The following CNTN4 variants were observed in gnomAD, a reference collection of about 807,000 sequenced individuals.
CNTN4 encodes contactin 4, also known as contactin-4.
Under a neutral mutation model 122.5 loss-of-function variants are expected in CNTN4, and 77 were observed. The observed-to-expected ratio is 0.63, with a 90% confidence interval of 0.52 to 0.76. CNTN4 has a LOEUF of 0.76. Among genes scored for constraint, CNTN4 ranks in the 30% least tolerant of loss-of-function variants. The pLI, the probability that CNTN4 is intolerant of heterozygous loss-of-function variation, is 0.00. For synonymous variants in CNTN4, 512 were observed against 447.0 expected (o/e 1.15, Z -1.83); for missense variants, 1,256 against 1,259.1 (o/e 1.00, Z 0.04).
intron 3 of CNTN4, among the ~76,000 whole-genome samples, chr3:2,449,784 C>G (rs545155733): frequency 6.6e-6 from 1 of 151,954 alleles, no homozygotes; most frequent in Non-Finnish European, 1.5e-5. Context: ...TGAAATCTTG[C>G]TATTTATGAC....
intron 7 of CNTN4, among the ~76,000 whole-genome samples, chr3:2,842,661 C>G (rs1441345597): frequency 6.6e-6 from 1 of 152,164 alleles, no homozygotes; most frequent in African/African-American, 2.4e-5. Context: ...AAAAGTAGCT[C>G]TCTTCAGTGA....
chr3:2,726,166 A>G (rs1362097662), intron 4 of CNTN4, among the ~76,000 whole-genome samples: 1 of 152,048 alleles, frequency 6.6e-6, no homozygotes, highest in Non-Finnish European at 1.5e-5. Flanking sequence ...GAGTCTTTGG[A>G]AGCTCCAGGC....
At chr3:3,021,616 G>A (rs1174918745) in intron 14 of CNTN4, among the ~76,000 whole-genome samples, 1 of 152,158 alleles carries the variant, frequency 6.6e-6, no homozygotes. Flanking sequence ...AATGAAGATG[G>A]CTGAAACACA....
At chr3:2,891,055 C>CA (rs1327586984) in intron 10 of CNTN4, among the ~76,000 whole-genome samples, 1 of 152,072 alleles carries the variant, frequency 6.6e-6, no homozygotes, top group Non-Finnish European at 1.5e-5. Context: ...GGCTGCAAGA[C>CA]AAAATCCCTG....
At chr3:2,156,155 A>C (rs2035707673) in intron 2 of CNTN4, among the ~76,000 whole-genome samples, 1 of 152,134 alleles carries the variant, frequency 6.6e-6, no homozygotes, top group Non-Finnish European at 1.5e-5. Context: ...CTTTGAGGGA[A>C]AAGAAATGAA....
chr3:2,547,276 A>ATTTG (rs2078287783), intron 3 of CNTN4, among the ~76,000 whole-genome samples: 1 of 126,652 alleles, frequency 7.9e-6, no homozygotes, highest in Non-Finnish European at 1.7e-5. Flanking sequence ...TTATTTATTT[A>ATTTG]TTTTGAGATG....
At chr3:2,430,028 A>G (rs1463942927) in intron 3 of CNTN4, among the ~76,000 whole-genome samples, 1 of 152,098 alleles carries the variant, frequency 6.6e-6, no homozygotes, top group Non-Finnish European at 1.5e-5. Context: ...GGGTGAGGTG[A>G]TGCCTCGCTC....
chr3:2,308,086 G>A (rs1385503022), intron 2 of CNTN4, among the ~76,000 whole-genome samples: 1 of 152,006 alleles, frequency 6.6e-6, no homozygotes, highest in Non-Finnish European at 1.5e-5. Context: ...CCTTGACACA[G>A]GGTTATTCAG....
intron 13 of CNTN4, among the ~76,000 whole-genome samples, chr3:2,972,338 A>G (rs1693004194): frequency 6.6e-6 from 1 of 152,134 alleles, no homozygotes; most frequent in South Asian, 2.1e-4. Context: ...TCCTACACAT[A>G]CACATACAGA....
intron 13 of CNTN4, among the ~76,000 whole-genome samples, chr3:2,971,522 T>C (rs974146902): frequency 1.3e-5 from 2 of 152,122 alleles, no homozygotes; most frequent in Admixed American, 6.6e-5. Context: ...ACTATGCAAA[T>C]CTTTACATCT....
chr3:2,433,066 A>G (rs886746384), intron 3 of CNTN4, among the ~76,000 whole-genome samples: 1 of 152,006 alleles, frequency 6.6e-6, no homozygotes, highest in Non-Finnish European at 1.5e-5. Flanking sequence ...CAAGCAATCC[A>G]CCCACCTCAG....
chr3:3,008,093 A>G (rs918462624), intron 14 of CNTN4, among the ~76,000 whole-genome samples: 1 of 152,334 alleles, frequency 6.6e-6, no homozygotes, highest in South Asian at 2.1e-4. Flanking sequence ...AGCCATGTAG[A>G]GAATGTGTGT....
chr3:2,705,458 A>ATATATAATTGATAT (rs1174557700), intron 4 of CNTN4, among the ~76,000 whole-genome samples: 1 of 38,260 alleles, frequency 2.6e-5, no homozygotes, highest in African/African-American at 7.9e-5. Context: ...TATATATATA[A>ATATATAATTGATAT]ATATATATAT....
intron 6 of CNTN4, among the ~76,000 whole-genome samples, chr3:2,804,200 A>T (rs2675314): frequency 6.6e-6 from 1 of 152,094 alleles, no homozygotes. Context: ...ATTACTGGCA[A>T]TGCTTCATTT....
chr3:2,367,937 C>G (rs1368705886), intron 3 of CNTN4, among the ~76,000 whole-genome samples: 2 of 151,918 alleles, frequency 1.3e-5, no homozygotes, highest in African/African-American at 4.8e-5. Flanking sequence ...TTCTCTTGAG[C>G]TTACCTCTAC....
intron 3 of CNTN4, among the ~76,000 whole-genome samples, chr3:2,444,208 TAAAAAA>T: frequency 7.3e-6 from 1 of 136,344 alleles, no homozygotes; most frequent in African/African-American, 2.8e-5. Context: ...TGTATTCTAG[TAAAAAA>T]AAAAAAAAAA....
At chr3:2,417,962 C>T (rs771145773) in intron 3 of CNTN4, among the ~76,000 whole-genome samples, 1 of 152,028 alleles carries the variant, frequency 6.6e-6, no homozygotes, top group Admixed American at 6.6e-5. Context: ...GTAAAAAGAT[C>T]CGTGGTTGCC....
intron 4 of CNTN4, among the ~76,000 whole-genome samples, chr3:2,633,668 A>G (rs1427013852): frequency 6.6e-6 from 1 of 152,250 alleles, no homozygotes; most frequent in African/African-American, 2.4e-5. Context: ...TATCCTCTCC[A>G]CACTCATAGT....
chr3:2,172,490 A>G (rs148063641), intron 2 of CNTN4, among the ~76,000 whole-genome samples: 1 of 152,144 alleles, frequency 6.6e-6, no homozygotes, highest in African/African-American at 2.4e-5. Context: ...AATCCCGGAA[A>G]TCACCACTGA....
Sources: gnomAD v4.1 joint callset for allele counts (sites outside exome capture counted in the v4.1 genomes callset) on GRCh38, gnomAD v4.1.1 for gene constraint, MANE v1.5 for transcripts, NCBI Gene and HGNC (gene_info 2026-07-23, HGNC 2026-07-21) for gene names.